Variants in PPARGC1A observed in about 807,000 individuals in gnomAD.
PPARGC1A encodes the protein peroxisome proliferator-activated receptor gamma coactivator 1-alpha.
In PPARGC1A, 25 loss-of-function variants were observed where a neutral mutation model predicts 88.7. That is an observed-to-expected ratio of 0.28 (90% confidence interval 0.21 to 0.39). PPARGC1A has a LOEUF of 0.39. Among genes scored for constraint, PPARGC1A ranks in the 10% least tolerant of loss-of-function variants. The pLI, the probability that PPARGC1A is intolerant of heterozygous loss-of-function variation, is 1.00. For missense variants in PPARGC1A, 880 were observed against 968.7 expected (o/e 0.91, Z 1.22); for synonymous variants, 363 against 355.6 (o/e 1.02, Z -0.24).
chr4:24,340,919 C>T, the PPARGC1A span, among the ~76,000 whole-genome samples: 1 of 152,130 alleles, frequency 6.6e-6, no homozygotes, highest in Non-Finnish European at 1.5e-5. Flanking sequence ...TTATCCATTT[C>T]TTCATTTTCT....
chr4:23,999,134 T>C, the PPARGC1A span, among the ~76,000 whole-genome samples: 2,797 of 152,330 alleles, frequency 0.018, 49 homozygotes, highest in South Asian at 0.11. Context: ...CAAGTGCATA[T>C]CTACGAGAAT....
At chr4:24,119,026 C>A in the PPARGC1A span, among the ~76,000 whole-genome samples, 1 of 152,172 alleles carries the variant, frequency 6.6e-6, no homozygotes, top group Admixed American at 6.5e-5. Context: ...AAACGCATCA[C>A]CTTGTACAGT....
the PPARGC1A span, among the ~76,000 whole-genome samples, chr4:24,158,636 C>T: frequency 2.0e-5 from 3 of 152,160 alleles, no homozygotes; most frequent in Non-Finnish European, 4.4e-5. Flanking sequence ...TGACCAATTC[C>T]TCATTATCTC....
At chr4:24,349,919 C>A in the PPARGC1A span, among the ~76,000 whole-genome samples, 1 of 152,222 alleles carries the variant, frequency 6.6e-6, no homozygotes, top group African/African-American at 2.4e-5. Flanking sequence ...CCCGATGGAT[C>A]CCTGTGGTGC....
chr4:24,179,138 A>G, the PPARGC1A span, among the ~76,000 whole-genome samples: 3 of 152,176 alleles, frequency 2.0e-5, no homozygotes, highest in African/African-American at 7.2e-5. Context: ...TCTGATTTAC[A>G]TGGCATAGTT....
the PPARGC1A span, among the ~76,000 whole-genome samples, chr4:24,002,604 C>CT: frequency 0.16 from 22,087 of 136,296 alleles, 2,254 homozygotes; most frequent in Admixed American, 0.33. Flanking sequence ...GTGCATGCTG[C>CT]TTTTTTTTTT....
the PPARGC1A span, among the ~76,000 whole-genome samples, chr4:24,407,496 C>T: frequency 0.39 from 59,114 of 152,070 alleles, 11,871 homozygotes; most frequent in African/African-American, 0.49. Flanking sequence ...GCAGAATTTG[C>T]TGCACAAGCA....
At chr4:24,418,636 C>T in the PPARGC1A span, among the ~76,000 whole-genome samples, 1 of 151,932 alleles carries the variant, frequency 6.6e-6, no homozygotes, top group African/African-American at 2.4e-5. Flanking sequence ...TACTTATGTG[C>T]CAAAGAGTTT....
chr4:23,983,292 G>A, the PPARGC1A span, among the ~76,000 whole-genome samples: 5 of 152,130 alleles, frequency 3.3e-5, no homozygotes, highest in Non-Finnish European at 7.4e-5. Context: ...TTCCCTTAGT[G>A]TATGGTCAGC....
chr4:24,052,638 G>GAAA, the PPARGC1A span, among the ~76,000 whole-genome samples: 5 of 129,084 alleles, frequency 3.9e-5, no homozygotes, highest in African/African-American at 5.9e-5. Flanking sequence ...TTACATCTCA[G>GAAA]AAAAAAAAAA....
the PPARGC1A span, among the ~76,000 whole-genome samples, chr4:23,913,714 A>G: frequency 6.6e-6 from 1 of 152,200 alleles, no homozygotes; most frequent in South Asian, 2.1e-4. Context: ...CGTTGAACAA[A>G]TGGATCATAG....
the PPARGC1A span, among the ~76,000 whole-genome samples, chr4:24,315,354 A>T: frequency 6.6e-6 from 1 of 152,208 alleles, no homozygotes; most frequent in African/African-American, 2.4e-5. Flanking sequence ...CTGCTATCTA[A>T]GAAGTATAGC....
the PPARGC1A span, among the ~76,000 whole-genome samples, chr4:23,914,709 A>G: frequency 3.5e-5 from 5 of 143,324 alleles, no homozygotes; most frequent in East Asian, 1.1e-3. Flanking sequence ...ATGACTAACC[A>G]TGCCAACGGC....
the PPARGC1A span, among the ~76,000 whole-genome samples, chr4:24,469,442 T>G: frequency 6.6e-6 from 1 of 152,222 alleles, no homozygotes; most frequent in Non-Finnish European, 1.5e-5. Flanking sequence ...GATTAAAGCT[T>G]CGGTAGCATC....
chr4:24,241,207 TACAA>T, the PPARGC1A span, among the ~76,000 whole-genome samples: 24 of 152,138 alleles, frequency 1.6e-4, no homozygotes, highest in African/African-American at 5.8e-4. Flanking sequence ...ATCACTCTTT[TACAA>T]AATATCACAA....
At chr4:24,118,225 A>G in the PPARGC1A span, among the ~76,000 whole-genome samples, 2 of 152,164 alleles carry the variant, frequency 1.3e-5, no homozygotes, top group East Asian at 1.9e-4. Context: ...GCACTTTGCC[A>G]CTATTTATGG....
the PPARGC1A span, among the ~76,000 whole-genome samples, chr4:24,413,893 T>C: frequency 6.6e-6 from 1 of 152,198 alleles, no homozygotes; most frequent in Non-Finnish European, 1.5e-5. Flanking sequence ...TTCCCATATG[T>C]TAAATGTCTT....
the PPARGC1A span, among the ~76,000 whole-genome samples, chr4:24,086,052 C>A: frequency 6.6e-6 from 1 of 152,278 alleles, no homozygotes; most frequent in East Asian, 1.9e-4. Flanking sequence ...AAATTACTGT[C>A]ATTGGTAACT....
At chr4:24,140,725 G>T in the PPARGC1A span, among the ~76,000 whole-genome samples, 1 of 152,130 alleles carries the variant, frequency 6.6e-6, no homozygotes, top group Non-Finnish European at 1.5e-5. Flanking sequence ...AGGAGGATTT[G>T]TTCAAACCCC....
Sources: allele counts gnomAD v4.1 joint callset (sites outside exome capture counted in the v4.1 genomes callset), GRCh38; gene constraint gnomAD v4.1.1; transcripts MANE v1.5; gene names NCBI Gene and HGNC (gene_info 2026-07-23, HGNC 2026-07-21).